Variants in SLC4A1 observed in about 807,000 individuals in gnomAD.
SLC4A1 encodes the protein band 3 anion transport protein.
Under a neutral mutation model 93.1 loss-of-function variants are expected in SLC4A1, and 29 were observed. That is an observed-to-expected ratio of 0.31 (90% CI 0.23 to 0.42). The LOEUF (loss-of-function observed/expected upper bound fraction) is 0.42, where lower values mean the gene tolerates loss of function less well. Among genes scored for constraint, SLC4A1 ranks in the 20% least tolerant of loss-of-function variants. The pLI is 1.00. For missense variants in SLC4A1, 965 were observed against 1,190.1 expected, an observed-to-expected ratio of 0.81 and a Z score of 2.78; for synonymous variants, 469 against 497.2, an observed-to-expected ratio of 0.94 and a Z score of 0.76.
intron 13 of SLC4A1, among the ~76,000 whole-genome samples, chr17:44,256,839 G>T (rs1167131333): frequency 2.6e-5 from 4 of 152,216 alleles, no homozygotes; most frequent in Non-Finnish European, 5.9e-5. Context: ...AGTCCTGTGT[G>T]CAGATGTGTG....
At chr17:44,253,807 G>A (rs747336060) in intron 16 of SLC4A1, among the ~76,000 whole-genome samples, 27 of 151,724 alleles carry the variant, frequency 1.8e-4, no homozygotes, top group Non-Finnish European at 4.0e-4. Flanking sequence ...AAGTAGCTGG[G>A]ACTACGGGCA....
intron 3 of SLC4A1, chr17:44,262,042 C>T (rs539964519): frequency 7.7e-6 from 9 of 1,173,502 alleles, no homozygotes; most frequent in East Asian, 5.8e-5. Flanking sequence ...TCAATGAGCC[C>T]GTCAGCACAG....
chr17:44,254,278 G>A (rs372471892), intron 16 of SLC4A1, among the ~76,000 whole-genome samples: 3 of 149,174 alleles, frequency 2.0e-5, no homozygotes, highest in East Asian at 1.9e-4. Context: ...GCCCGGCCAC[G>A]TTTTTTTTTT....
chr17:44,263,694 T>G, intron 1 of SLC4A1, among the ~76,000 whole-genome samples: 1 of 110,024 alleles, frequency 9.1e-6, no homozygotes. Context: ...CCCTCCCTCC[T>G]TCCCTCCCTT....
At chr17:44,261,023 A>G (rs1369912928) in intron 4 of SLC4A1, among the ~76,000 whole-genome samples, 2 of 152,146 alleles carry the variant, frequency 1.3e-5, no homozygotes, top group Non-Finnish European at 2.9e-5. Context: ...ACCCTGACCC[A>G]AAGGGATGCT....
intron 15 of SLC4A1, 81 bp from the exon 16 acceptor site, chr17:44,254,743 G>A (rs2047373506): frequency 5.8e-6 from 8 of 1,384,088 alleles, no homozygotes; most frequent in Admixed American, 1.9e-5. Flanking sequence ...AGGGTCCTAG[G>A]GGTCGGGCAG....
At position 44,262,659 on chromosome 17, in the gene SLC4A1, T is replaced by C; in HGVS notation, c.83A>G (p.Glu28Gly). 6.2e-7 allele frequency: 1 copy of C among 1,613,360 alleles called. No individual in the cohort carries two copies. Among genetic ancestry groups the C allele is most frequent in the Non-Finnish European group, 8.5e-7 (1 of 1,179,616 alleles). The change falls in exon 3 of 20, where the codon GAG becomes GGG. Residue 28 changes from glutamate to glycine, a missense_variant. Glu to Gly is a moderately conservative substitution (Grantham distance 98, BLOSUM62 -2). Transcript: ENST00000262418. ...QEEYEDPDIP[E>G]SQMEEPAAHD... is the part of the protein sequence containing the mutation. ...ACCTGCCGGCTCCTCCATCTGGGAC[T>C]CGGGGATGTCTGGGTCTTCATATTC...
Position 44,260,787 on chromosome 17 carries a change from A to G in SLC4A1, c.197T>C (p.Met66Thr). 6.2e-7 allele frequency: 1 copy of G among 1,613,364 alleles called. No individual in the cohort carries two copies. The highest frequency in any genetic ancestry group is 8.5e-7 in the Non-Finnish European group (1 of 1,180,016). Reference protein sequence around the residue: ...KVYVELQELVMDEKNQELRWM... With the variant: ...KVYVELQELVTDEKNQELRWM... ...TCTCAGCTCCTGGTTCTTTTCGTCCATCACCAGCTCCTGCAGCTCCACATA... is the reference window on the plus strand; with the variant it reads ...TCTCAGCTCCTGGTTCTTTTCGTCCGTCACCAGCTCCTGCAGCTCCACATA... Residue 66 changes from methionine (M) to threonine (T), a missense_variant, in exon 5 of 20, where the codon ATG becomes ACG. By Grantham distance (81) the Met-to-Thr change is moderately conservative. Transcript: ENST00000262418.
chr17:44,255,929 C>G, intron 13 of SLC4A1, 83 bp from the exon 14 acceptor site: 1 of 1,254,104 alleles, frequency 8.0e-7, no homozygotes, highest in South Asian at 1.2e-5. Context: ...CTACCCAGCA[C>G]TACTATCCAT....
chr17:44,252,906 C>A lies in SLC4A1; in HGVS notation c.2311+212G>T, dbSNP rs1249431141. ...TCTGGAGAAGGCCTCGGAGTGGAGCCCCCTTCCTCCCTGCTCAGACGCCCA... is the reference window on the plus strand; with the variant it reads ...TCTGGAGAAGGCCTCGGAGTGGAGCACCCTTCCTCCCTGCTCAGACGCCCA... On this transcript the variant is annotated intron_variant, in intron 17 of 19. Transcript: ENST00000262418. Among the ~76,000 whole-genome samples the A allele has an allele frequency of 3.3e-5, 5 of 152,138 alleles. No homozygotes were observed. In the East Asian group the frequency reaches 7.7e-4, roughly 23 times the overall value.
intron 2 of SLC4A1, 52 bp from the exon 3 acceptor site, chr17:44,262,778 A>G (rs2047457799): frequency 1.2e-6 from 2 of 1,608,296 alleles, no homozygotes; most frequent in Non-Finnish European, 8.5e-7. Context: ...TCCACCCCCA[A>G]CGAAGATAGG....
At position 44,260,394 on chromosome 17, in the gene SLC4A1, G is replaced by A. The variant is rs769169013; in HGVS notation, c.485+10C>T. ...GGATATGGAATCCAGGCCCTGGCAG[G>A]CAGGGGCACCTGTGTTTAAGCAGCA... On this transcript the variant is annotated intron_variant, in intron 6 of 19. Transcript: ENST00000262418. The A allele has an allele frequency of 1.2e-6, 2 of 1,609,988 alleles. No homozygotes were observed. Among genetic ancestry groups the A allele is most frequent in the South Asian group, 2.2e-5 (2 of 90,156 alleles).
At chr17:44,257,251 C>G (rs2047397198) in intron 13 of SLC4A1, 99 bp downstream of exon 13, 9 of 1,245,820 alleles carry the variant, frequency 7.2e-6, no homozygotes, top group South Asian at 1.2e-5. Context: ...CTCGGCCTCC[C>G]AAAGTTCTGA....
chr17:44,250,405 G>T lies in SLC4A1; in HGVS notation c.*53C>A. 2 of 1,432,910 alleles carry T rather than the reference G, an allele frequency of 1.4e-6. No homozygotes were observed. Among genetic ancestry groups the T allele is most frequent in the Non-Finnish European group, 2.0e-6 (2 of 1,016,056 alleles). 88.8% of individuals were successfully genotyped at this position (1,432,910 alleles called of 1,614,324 possible). A position where few individuals can be genotyped will look rare whatever the true frequency, so the allele number is the denominator to read the frequency against. ...TGCCCATGAACTTCTGCTTTTCCTT[G>T]GAAGGTGGGGATGTGGAATGGTGGG... On this transcript the variant is annotated 3_prime_UTR_variant, in exon 20 of 20. Transcript: ENST00000262418.
Position 44,258,528 on chromosome 17 carries a change from G to A in SLC4A1, c.972C>T (p.Thr324=), listed in dbSNP as rs775346464. 23 of 1,613,862 alleles carry A rather than the reference G, an allele frequency of 1.4e-5. No individual in the cohort carries two copies. Among genetic ancestry groups the A allele is most frequent in the East Asian group, 4.5e-5 (2 of 44,890 alleles). Residue 324 remains threonine, a synonymous_variant, in exon 10 of 20, where the codon ACC becomes ACT. Transcript: ENST00000262418. The surrounding 1 kb of genome is among the most constrained non-coding windows in gnomAD (Gnocchi z 6.1). The part of the protein sequence containing the change: ...FLDCSLVLPP[T]DAPSEQALLS... The stretch of plus-strand genomic sequence containing the variant: ...GCAGTGCCTGCTCGGAGGGGGCATC[G>A]GTGGGAGGCAGCACTAGGCTGCAGT...
In SLC4A1 at chr17:44,258,299, G is replaced by A. The variant is rs1214781815; in HGVS notation, c.1087+114C>T. The A allele has an allele frequency of 7.1e-7, 1 of 1,416,742 alleles. No homozygotes were observed. The highest frequency in any genetic ancestry group is 1.0e-6 in the Non-Finnish European group (1 of 1,002,634). The allele number at this position is 1,416,742 out of a possible 1,614,324, so 87.8% of individuals were successfully genotyped here. On this transcript the variant is annotated intron_variant, in intron 10 of 19. Coordinates refer to ENST00000262418, the MANE Select transcript of SLC4A1 (RefSeq NM_000342.4). This position sits in a 1 kb window ranked among gnomAD's most constrained non-coding sequence, Gnocchi z 6.1. ...AATGGGGCGGCGAAGAAGTCTGGAA[G>A]ATGTGGGCAAAGGGAGCGATGAGAG...
rs753864472 is a variant in SLC4A1, at chr17:44,259,314, A to G, written c.725T>C (p.Leu242Pro). ...GRADFLEQPV[L>P]GFVRLQEAAE... ...TGCCTCCTGCAGCCTCACGAAGCCCAGCACCGGCTGCTCCAGGAAGTCGGC... is the reference window on the plus strand; with the variant it reads ...TGCCTCCTGCAGCCTCACGAAGCCCGGCACCGGCTGCTCCAGGAAGTCGGC... Residue 242 changes from leucine to proline, a missense_variant, in exon 9 of 20, where the codon CTG becomes CCG. Leu to Pro is a moderately conservative substitution (Grantham distance 98). This residue lies in a region of SLC4A1 where 770 missense variants were observed against 1,006.6 expected (regional missense o/e 0.76). Coordinates refer to ENST00000262418, the MANE Select transcript of SLC4A1 (RefSeq NM_000342.4). 1.2e-6 allele frequency: 2 copies of G among 1,613,892 alleles called. No individual in the cohort carries two copies. Among genetic ancestry groups the G allele is most frequent in the Admixed American group, 3.3e-5 (2 of 59,994 alleles).
chr17:44,250,232 A>C lies in SLC4A1; in HGVS notation c.*226T>G. 2 of 538,804 alleles carry C rather than the reference A, an allele frequency of 3.7e-6. No individual in the cohort carries two copies. Among genetic ancestry groups the C allele is most frequent in the Non-Finnish European group, 6.8e-6 (2 of 295,352 alleles). 33.4% of individuals were successfully genotyped at this position (538,804 alleles called of 1,614,324 possible). A position where few individuals can be genotyped will look rare whatever the true frequency, so the allele number is the denominator to read the frequency against. ...GTGGCAACAGGAGGGACTGTGCAAC[A>C]AACCCCCTAATGTGGGCCCCATCGG... On this transcript the variant is annotated 3_prime_UTR_variant, in exon 20 of 20. Transcript: ENST00000262418.
rs148317876 is a variant in SLC4A1, at chr17:44,251,556, G to A, written c.2344C>T (p.Arg782Cys). The change falls in exon 18 of 20, where the codon CGC becomes TGC. Residue 782 changes from arginine (R) to cysteine (C), a missense_variant. Physicochemically the swap from Arg to Cys is radical, Grantham distance 180 (BLOSUM62 -3). Around this residue, in one of 2 missense-constraint regions of SLC4A1, gnomAD observed 770 missense variants for 1,006.6 expected, o/e 0.76. Coordinates refer to ENST00000262418, the MANE Select transcript of SLC4A1 (RefSeq NM_000342.4). ...CCAAACAGTACAGCCAGGGGGATGCGGGACAGGATGGGCTCCATGAGGATG... is the reference window on the plus strand; with the variant it reads ...CCAAACAGTACAGCCAGGGGGATGCAGGACAGGATGGGCTCCATGAGGATG... ...LSILMEPILSRIPLAVLFGIF... is the reference protein window; with the variant it reads ...LSILMEPILSCIPLAVLFGIF... The A allele has an allele frequency of 1.3e-5, 21 of 1,613,944 alleles. No individual in the cohort carries two copies. Among genetic ancestry groups the A allele is most frequent in the African/African-American group, 5.3e-5 (4 of 74,900 alleles).
Sources: allele counts gnomAD v4.1 joint callset (sites outside exome capture counted in the v4.1 genomes callset), GRCh38; gene constraint gnomAD v4.1.1; regional missense constraint gnomAD v4.1.1; non-coding constraint Gnocchi (gnomAD v3.1); transcripts MANE v1.5; gene names NCBI Gene and HGNC (gene_info 2026-07-23, HGNC 2026-07-21).